Variants in PLCD4 observed in about 807,000 individuals in gnomAD.
PLCD4 encodes 1-phosphatidylinositol 4,5-bisphosphate phosphodiesterase delta-4.
Under a neutral mutation model 90.2 loss-of-function variants are expected in PLCD4, and 63 were observed. That is an observed-to-expected ratio of 0.70 (90% CI 0.57 to 0.86). PLCD4 has a LOEUF of 0.86. Ranked by LOEUF, PLCD4 falls within the 40% of genes least tolerant of loss-of-function variation. The pLI, the probability that PLCD4 is intolerant of heterozygous loss-of-function variation, is 0.00. For missense variants in PLCD4, 830 were observed against 956.3 expected, an observed-to-expected ratio of 0.87 and a Z score of 1.74; for synonymous variants, 294 against 356.5, an observed-to-expected ratio of 0.82 and a Z score of 1.97.
chr2:218,621,152 G>A (rs1047147025), intron 4 of PLCD4, among the ~76,000 whole-genome samples: 7 of 152,058 alleles, frequency 4.6e-5, no homozygotes, highest in East Asian at 3.9e-4. Flanking sequence ...GGCTGGTCTC[G>A]AAACTCCTGA....
chr2:218,634,364 C>T lies in PLCD4; in HGVS notation c.1724-94C>T, dbSNP rs534436514. On this transcript the variant is annotated intron_variant, in intron 12 of 15. Coordinates refer to ENST00000450993, the MANE Select transcript of PLCD4 (RefSeq NM_032726.4). The surrounding 1 kb of genome is among the most constrained non-coding windows in gnomAD (Gnocchi z 4.0). ...ATCAGTGGATATTACCAGCAGGTACCGTGCACCCAGTACCTATCTTCTTAA... is the reference window on the plus strand; with the variant it reads ...ATCAGTGGATATTACCAGCAGGTACTGTGCACCCAGTACCTATCTTCTTAA... The T allele has an allele frequency of 3.8e-4, 595 of 1,556,838 alleles. 2 individuals carry two copies. The highest frequency in any genetic ancestry group is 1.2e-3 in the Middle Eastern group (6 of 4,946).
chr2:218,633,793 A>G, intron 11 of PLCD4, 32 bp downstream of exon 11: 2 of 1,611,280 alleles, frequency 1.2e-6, no homozygotes, highest in Non-Finnish European at 1.7e-6. Flanking sequence ...TGGGGAGGGA[A>G]GTGGGATGGA....
chr2:218,617,910 C>G (rs931819337), intron 3 of PLCD4, among the ~76,000 whole-genome samples: 2 of 151,938 alleles, frequency 1.3e-5, no homozygotes, highest in Admixed American at 6.6e-5. Flanking sequence ...ACAGTGAAAC[C>G]CCATCCCTAC....
intron 13 of PLCD4, among the ~76,000 whole-genome samples, chr2:218,635,315 T>C (rs1468764533): frequency 2.6e-5 from 4 of 151,958 alleles, no homozygotes; most frequent in Non-Finnish European, 5.9e-5. Context: ...ACTTTCAAAC[T>C]GTTGAATTTC....
intron 7 of PLCD4, 80 bp from the exon 8 acceptor site, chr2:218,629,439 C>T (rs951901889): frequency 6.5e-7 from 1 of 1,531,908 alleles, no homozygotes; most frequent in South Asian, 1.2e-5. Context: ...GCACTGTTCT[C>T]TCCAGAGTGG....
At position 218,634,652 on chromosome 2, in the gene PLCD4, G is replaced by A. The variant is rs1465300026; in HGVS notation, c.1896+22G>A. 1.2e-6 allele frequency: 2 copies of A among 1,609,204 alleles called. No homozygotes were observed. Among genetic ancestry groups the A allele is most frequent in the Non-Finnish European group, 1.7e-6 (2 of 1,177,086 alleles). On this transcript the variant is annotated intron_variant, in intron 13 of 15. Coordinates refer to ENST00000450993, the MANE Select transcript of PLCD4 (RefSeq NM_032726.4). The surrounding 1 kb of genome is among the most constrained non-coding windows in gnomAD (Gnocchi z 4.0). ...CCAGGTACAGTGGAAATAAACTGTT[G>A]GGAAGAAACTGAGATAACTGGGATA...
intron 4 of PLCD4, among the ~76,000 whole-genome samples, chr2:218,620,135 C>T (rs953732251): frequency 6.6e-6 from 1 of 152,202 alleles, no homozygotes; most frequent in Non-Finnish European, 1.5e-5. Context: ...CCACCTCAGC[C>T]TCCAAAAGTG....
intron 10 of PLCD4, 117 bp from the exon 11 acceptor site, chr2:218,633,488 C>A: frequency 8.2e-7 from 1 of 1,218,170 alleles, no homozygotes; most frequent in Non-Finnish European, 1.2e-6. Flanking sequence ...GCAGGTGAGG[C>A]AGGAGGGAGA....
intron 5 of PLCD4, 54 bp from the exon 6 acceptor site, chr2:218,622,590 AAAG>A: frequency 7.6e-7 from 1 of 1,318,654 alleles, no homozygotes; most frequent in South Asian, 1.5e-5. Flanking sequence ...TTTTAATTAA[AAAG>A]ATAACATTTC....
chr2:218,611,003 C>T (rs1373073665), intron 1 of PLCD4, among the ~76,000 whole-genome samples: 3 of 152,188 alleles, frequency 2.0e-5, no homozygotes, highest in African/African-American at 7.2e-5. Context: ...GCTGGGATTA[C>T]AGATGTGAGC....
At chr2:218,608,743 G>T (rs1421758191) in intron 1 of PLCD4, among the ~76,000 whole-genome samples, 2 of 152,052 alleles carry the variant, frequency 1.3e-5, no homozygotes, top group Non-Finnish European at 2.9e-5. Context: ...CCCCACCCTG[G>T]GTAACTCTGA....
chr2:218,634,970 T>C lies in PLCD4; in HGVS notation c.1896+340T>C, dbSNP rs1269234684. ...TATAAAAGAGGCTGGCTGGGAGCGA[T>C]AGCTTACACCTGTAATCCCAGCGCT... On this transcript the variant is annotated intron_variant, in intron 13 of 15. Coordinates refer to ENST00000450993, the MANE Select transcript of PLCD4 (RefSeq NM_032726.4). This position sits in a 1 kb window ranked among gnomAD's most constrained non-coding sequence, Gnocchi z 4.0. Among the ~76,000 whole-genome samples the C allele has an allele frequency of 6.6e-6, 1 of 152,144 alleles. No individual in the cohort carries two copies.
chr2:218,610,715 A>T (rs557018516), intron 1 of PLCD4, among the ~76,000 whole-genome samples: 13 of 150,456 alleles, frequency 8.6e-5, no homozygotes, highest in African/African-American at 3.2e-4. Context: ...TTGTATGGAG[A>T]CCTGGGTTCT....
intron 9 of PLCD4, among the ~76,000 whole-genome samples, 161 bp from the exon 10 acceptor site, chr2:218,631,975 T>G (rs567658065): frequency 6.6e-6 from 1 of 152,192 alleles, no homozygotes; most frequent in African/African-American, 2.4e-5. Flanking sequence ...CTTAACAATA[T>G]GGGAATTCCA....
At chr2:218,630,579 G>T (rs1482126466) in intron 8 of PLCD4, 71 bp from the exon 9 acceptor site, 1 of 1,582,186 alleles carries the variant, frequency 6.3e-7, no homozygotes, top group African/African-American at 1.3e-5. Flanking sequence ...GGCCTAGGAA[G>T]CGGGTACTTG....
chr2:218,633,912 G>A (rs1314714846), intron 11 of PLCD4, 151 bp downstream of exon 11: 4 of 1,201,956 alleles, frequency 3.3e-6, no homozygotes, highest in African/African-American at 1.5e-5. Flanking sequence ...GGGCAGAGGA[G>A]TTATGAATAG....
Position 218,618,603 on chromosome 2 carries a change from T to C in PLCD4, c.206T>C (p.Ile69Thr). The part of the protein sequence containing the change: ...PSFSISDVET[I>T]RNGHDSELLR... ...GTCTCAATCTCTGATGTGGAGACAA[T>C]ACGTAATGGCCATGATTCCGAGTTG... The change falls in exon 4 of 16, where the codon ATA (isoleucine) becomes ACA (threonine). Residue 69 changes from isoleucine (I) to threonine (T), a missense_variant. Coordinates refer to ENST00000450993, the MANE Select transcript of PLCD4 (RefSeq NM_032726.4). The C allele has an allele frequency of 6.2e-7, 1 of 1,614,056 alleles. No individual in the cohort carries two copies. The highest frequency in any genetic ancestry group is 8.5e-7 in the Non-Finnish European group (1 of 1,179,898).
intron 6 of PLCD4, 80 bp from the exon 7 acceptor site, chr2:218,627,949 G>A: frequency 7.6e-7 from 1 of 1,320,734 alleles, no homozygotes; most frequent in South Asian, 1.4e-5. Flanking sequence ...GGATGGAGTG[G>A]GAGGAAGGAT....
At chr2:218,633,013 C>CT (rs1696472880) in intron 10 of PLCD4, among the ~76,000 whole-genome samples, 1 of 152,172 alleles carries the variant, frequency 6.6e-6, no homozygotes, top group Non-Finnish European at 1.5e-5. Flanking sequence ...ACTCAGCTGA[C>CT]TGACTCCTAG....
Sources: gnomAD v4.1 joint callset for allele counts (sites outside exome capture counted in the v4.1 genomes callset) on GRCh38, gnomAD v4.1.1 for gene constraint, Gnocchi (gnomAD v3.1) non-coding constraint, MANE v1.5 for transcripts, NCBI Gene and HGNC (gene_info 2026-07-23, HGNC 2026-07-21) for gene names.